The following EBF1 variants were observed in gnomAD, a reference collection of about 807,000 sequenced individuals.
EBF1 encodes EBF transcription factor 1.
Under a neutral mutation model 68.4 loss-of-function variants are expected in EBF1, and 10 were observed. The ratio of observed to expected loss-of-function variants is 0.15; its 90% CI spans 0.09 to 0.25. EBF1 has a LOEUF of 0.25. EBF1 is among the 10% of genes least tolerant of loss of function. The probability of loss-of-function intolerance (pLI) is 1.00; values close to 1 mark genes in which losing one functional copy is unlikely to be tolerated. For missense variants in EBF1, 509 were observed against 794.4 expected, an observed-to-expected ratio of 0.64 and a Z score of 4.32; for synonymous variants, 298 against 299.8, an observed-to-expected ratio of 0.99 and a Z score of 0.06.
At chr5:158,975,901 T>C (rs1251500618) in intron 6 of EBF1, among the ~76,000 whole-genome samples, 2 of 152,196 alleles carry the variant, frequency 1.3e-5, no homozygotes, top group African/African-American at 4.8e-5. Flanking sequence ...CATCCTCTCA[T>C]TGGAGATCTG....
At chr5:158,881,387 T>C (rs1199817891) in intron 6 of EBF1, among the ~76,000 whole-genome samples, 1 of 152,204 alleles carries the variant, frequency 6.6e-6, no homozygotes, top group Non-Finnish European at 1.5e-5. Context: ...TGATTCTGGA[T>C]ACAGTTCTCT....
In EBF1 at chr5:159,000,875, G is replaced by T. The variant is rs183140770; in HGVS notation, c.554+72521C>A. 1.9e-4 allele frequency among the ~76,000 whole-genome samples: 29 copies of T among 152,268 alleles called. No individual in the cohort carries two copies. The East Asian group carries it at 4.6e-3, about 24-fold the overall frequency. ...ATACCAATGTATTTTAATGTAAGGAGTTAAAAAATTCATTGATATTGTTTC... is the reference window on the plus strand; with the variant it reads ...ATACCAATGTATTTTAATGTAAGGATTTAAAAAATTCATTGATATTGTTTC... On this transcript the variant is annotated intron_variant, in intron 6 of 15. Transcript: ENST00000313708.
intron 13 of EBF1, among the ~76,000 whole-genome samples, 169 bp from the exon 14 acceptor site, chr5:158,712,502 A>C (rs1241333821): frequency 1.3e-5 from 2 of 152,224 alleles, no homozygotes; most frequent in Non-Finnish European, 2.9e-5. Context: ...TGTGATTAAA[A>C]TGGGAAGCGA....
chr5:158,699,922 G>A (rs917994024), intron 15 of EBF1, among the ~76,000 whole-genome samples: 12 of 152,216 alleles, frequency 7.9e-5, no homozygotes, highest in Non-Finnish European at 1.8e-4. Flanking sequence ...CTAGGAGGTC[G>A]CAGATAGTGG....
chr5:158,885,267 G>A (rs558680153), intron 6 of EBF1, among the ~76,000 whole-genome samples: 1 of 152,330 alleles, frequency 6.6e-6, no homozygotes, highest in East Asian at 1.9e-4. Flanking sequence ...CCCTCTGGCT[G>A]TCACGTGGAA....
chr5:158,731,662 G>A (rs150180310), intron 10 of EBF1, among the ~76,000 whole-genome samples: 1 of 152,258 alleles, frequency 6.6e-6, no homozygotes, highest in African/African-American at 2.4e-5. Context: ...GAGTAGAAGT[G>A]AATCTTTGAG....
intron 6 of EBF1, among the ~76,000 whole-genome samples, chr5:158,845,334 G>T (rs1468978377): frequency 1.3e-5 from 2 of 152,158 alleles, no homozygotes; most frequent in African/African-American, 4.8e-5. Context: ...GGATCACTGT[G>T]CAGCTTTCAC....
chr5:159,053,348 G>C (rs1774162815), intron 6 of EBF1, among the ~76,000 whole-genome samples: 1 of 152,158 alleles, frequency 6.6e-6, no homozygotes. Flanking sequence ...TAAATGGTTA[G>C]TTATCATCAG....
chr5:158,821,545 A>G (rs1027645964), intron 8 of EBF1, among the ~76,000 whole-genome samples: 1 of 152,126 alleles, frequency 6.6e-6, no homozygotes. Context: ...GGCAGTACCT[A>G]TTGCAACTAA....
At chr5:158,732,933 A>G (rs1490785610) in intron 10 of EBF1, among the ~76,000 whole-genome samples, 1 of 152,212 alleles carries the variant, frequency 6.6e-6, no homozygotes, top group Non-Finnish European at 1.5e-5. Context: ...AACTAAAATT[A>G]CACCCAGGTG....
intron 7 of EBF1, among the ~76,000 whole-genome samples, chr5:158,838,804 A>G (rs951915156): frequency 2.6e-5 from 4 of 152,250 alleles, no homozygotes; most frequent in African/African-American, 7.2e-5. Context: ...TTTAAACACC[A>G]TGCTGTTTCC....
chr5:158,913,375 G>A (rs905421343), intron 6 of EBF1, among the ~76,000 whole-genome samples: 1 of 152,308 alleles, frequency 6.6e-6, no homozygotes, highest in Non-Finnish European at 1.5e-5. Flanking sequence ...AGGAAAAGAC[G>A]TTCCACAGGG....
intron 10 of EBF1, among the ~76,000 whole-genome samples, chr5:158,747,161 C>T (rs1381838032): frequency 1.3e-5 from 2 of 152,176 alleles, no homozygotes; most frequent in Non-Finnish European, 2.9e-5. Context: ...GTAAGATCAA[C>T]AGCTAGTCAA....
chr5:159,048,071 C>A (rs990889687), intron 6 of EBF1, among the ~76,000 whole-genome samples: 4 of 152,174 alleles, frequency 2.6e-5, no homozygotes, highest in Admixed American at 6.5e-5. Context: ...AGAGCAAAAT[C>A]ATAACACCTG....
At chr5:158,899,017 C>T (rs898692136) in intron 6 of EBF1, among the ~76,000 whole-genome samples, 1 of 152,138 alleles carries the variant, frequency 6.6e-6, no homozygotes, top group Non-Finnish European at 1.5e-5. Flanking sequence ...ATCAGCAGCC[C>T]AAGACTGTAG....
chr5:158,928,975 T>C (rs1810280630), intron 6 of EBF1, among the ~76,000 whole-genome samples: 1 of 152,174 alleles, frequency 6.6e-6, no homozygotes, highest in Non-Finnish European at 1.5e-5. Context: ...TTCCTCTCTT[T>C]TAAAAATTTT....
chr5:159,073,630 A>C lies in EBF1; in HGVS notation c.486-166T>G, dbSNP rs1778224202. On this transcript the variant is annotated intron_variant, in intron 5 of 15. Transcript: ENST00000313708. Reference sequence around the variant, plus strand: ...ACAGATAATTCTATTTGGGTCACCTATGGGTTAATGGCCAGGCTTAACCTC... The same window carrying C: ...ACAGATAATTCTATTTGGGTCACCTCTGGGTTAATGGCCAGGCTTAACCTC... 20 of 675,952 alleles carry C rather than the reference A, an allele frequency of 3.0e-5. No individual in the cohort carries two copies. In the Admixed American group the frequency reaches 4.1e-4, roughly 14 times the overall value. 41.9% of individuals were successfully genotyped at this position (675,952 alleles called of 1,614,324 possible). A position where few individuals can be genotyped will look rare whatever the true frequency, so the allele number is the denominator to read the frequency against.
intron 5 of EBF1, among the ~76,000 whole-genome samples, chr5:159,078,428 T>G (rs572099651): frequency 3.2e-4 from 49 of 152,322 alleles, no homozygotes; most frequent in African/African-American, 1.1e-3. Flanking sequence ...ACGGAAAAAG[T>G]GACAGTGTTA....
intron 6 of EBF1, among the ~76,000 whole-genome samples, chr5:158,968,081 A>G (rs960729866): frequency 7.2e-5 from 11 of 152,212 alleles, no homozygotes; most frequent in Non-Finnish European, 7.3e-5. Flanking sequence ...CAACAACTAC[A>G]AATAATTGCA....
Sources: gnomAD v4.1 joint callset for allele counts (sites outside exome capture counted in the v4.1 genomes callset) on GRCh38, gnomAD v4.1.1 for gene constraint, MANE v1.5 for transcripts, NCBI Gene and HGNC (gene_info 2026-07-23, HGNC 2026-07-21) for gene names.